CHSY3: variants seen among roughly 807,000 people sequenced by gnomAD.
The protein encoded by CHSY3 is chondroitin sulfate synthase 3.
CHSY3 carries 35 observed loss-of-function variants against 67.2 expected under a neutral mutation model. The ratio of observed to expected loss-of-function variants is 0.52; its 90% CI spans 0.40 to 0.69. CHSY3 has a LOEUF of 0.69. Among genes scored for constraint, CHSY3 ranks in the 30% least tolerant of loss-of-function variants. The pLI is 0.00. For missense variants in CHSY3, 1,069 were observed against 1,138.5 expected, an observed-to-expected ratio of 0.94 and a Z score of 0.88; for synonymous variants, 474 against 434.7, an observed-to-expected ratio of 1.09 and a Z score of -1.12.
At chr5:130,137,065 C>G (rs1460341218) in intron 2 of CHSY3, among the ~76,000 whole-genome samples, 1 of 152,112 alleles carries the variant, frequency 6.6e-6, no homozygotes, top group Non-Finnish European at 1.5e-5. Flanking sequence ...ACATATAAAT[C>G]TCTAGTCTTC....
At chr5:129,939,456 A>C (rs1761627852) in intron 2 of CHSY3, among the ~76,000 whole-genome samples, 1 of 152,188 alleles carries the variant, frequency 6.6e-6, no homozygotes, top group African/African-American at 2.4e-5. Context: ...ATTTTGTAAT[A>C]TTTGTATAGG....
At chr5:130,130,118 G>T (rs73244890) in intron 2 of CHSY3, among the ~76,000 whole-genome samples, 17,056 of 152,070 alleles carry the variant, frequency 0.11, 1,183 homozygotes, top group African/African-American at 0.18. Context: ...GGATGTCAGA[G>T]TTTATAGACA....
At chr5:130,144,652 A>C (rs1049248235) in intron 2 of CHSY3, among the ~76,000 whole-genome samples, 16 of 152,160 alleles carry the variant, frequency 1.1e-4, no homozygotes, top group African/African-American at 3.9e-4. Flanking sequence ...TGGAAAAAAA[A>C]TCTTAATTTT....
At chr5:129,983,247 T>G (rs1763072705) in intron 2 of CHSY3, among the ~76,000 whole-genome samples, 1 of 152,094 alleles carries the variant, frequency 6.6e-6, no homozygotes, top group East Asian at 1.9e-4. Flanking sequence ...GGAGATTAAA[T>G]CTCTACACTT....
At chr5:129,924,301 T>A (rs1761022148) in intron 2 of CHSY3, among the ~76,000 whole-genome samples, 1 of 152,162 alleles carries the variant, frequency 6.6e-6, no homozygotes, top group Non-Finnish European at 1.5e-5. Context: ...CCTCAATTTT[T>A]GTTTATCTCA....
chr5:129,997,168 A>C (rs907116614), intron 2 of CHSY3, among the ~76,000 whole-genome samples: 1 of 151,900 alleles, frequency 6.6e-6, no homozygotes, highest in Non-Finnish European at 1.5e-5. Flanking sequence ...CTTGAGGATG[A>C]CTTTTTTAAA....
intron 2 of CHSY3, among the ~76,000 whole-genome samples, chr5:129,969,556 C>G (rs1329481694): frequency 6.6e-6 from 1 of 151,798 alleles, no homozygotes; most frequent in Non-Finnish European, 1.5e-5. Context: ...TGACTGATCT[C>G]AAGCCTAAAA....
chr5:130,115,500 C>T (rs1052085353), intron 2 of CHSY3, among the ~76,000 whole-genome samples: 3 of 152,134 alleles, frequency 2.0e-5, no homozygotes, highest in Non-Finnish European at 2.9e-5. Flanking sequence ...ACTTATAATG[C>T]TTGCTGAAGA....
intron 2 of CHSY3, among the ~76,000 whole-genome samples, chr5:130,143,043 A>G (rs1484304246): frequency 6.6e-6 from 1 of 152,192 alleles, no homozygotes; most frequent in African/African-American, 2.4e-5. Context: ...TCTACTGTTA[A>G]TGCTATCTTT....
intron 2 of CHSY3, among the ~76,000 whole-genome samples, chr5:130,173,919 G>A: frequency 6.6e-6 from 1 of 151,662 alleles, no homozygotes; most frequent in South Asian, 2.1e-4. Context: ...CAATAATTGA[G>A]GGCAAACAAT....
Position 130,178,182 on chromosome 5 carries a change from T to C in CHSY3, c.1087-6047T>C, listed in dbSNP as rs868212447. Reference sequence around the variant, plus strand: ...TTAGTATTATATGTATATATATGTGTGTGTGTATATATATATATTTATATA... The same window carrying C: ...TTAGTATTATATGTATATATATGTGCGTGTGTATATATATATATTTATATA... On this transcript the variant is annotated intron_variant, in intron 2 of 2. Coordinates refer to ENST00000305031, the MANE Select transcript of CHSY3 (RefSeq NM_175856.5). Among the ~76,000 whole-genome samples the C allele has an allele frequency of 4.4e-4, 53 of 120,472 alleles. 1 individual carries two copies. The highest frequency in any genetic ancestry group is 1.0e-3 in the African/African-American group (29 of 29,076). The allele number at this position is 120,472 out of a possible 152,430, so 79.0% of individuals were successfully genotyped here.
intron 2 of CHSY3, among the ~76,000 whole-genome samples, chr5:130,104,615 C>A (rs1239950001): frequency 2.6e-5 from 4 of 151,672 alleles, no homozygotes; most frequent in Admixed American, 2.0e-4. Flanking sequence ...ATGCCATAAG[C>A]AAAGCCATGA....
At chr5:130,106,204 A>G (rs1767409792) in intron 2 of CHSY3, among the ~76,000 whole-genome samples, 1 of 151,754 alleles carries the variant, frequency 6.6e-6, no homozygotes, top group Non-Finnish European at 1.5e-5. Flanking sequence ...ATTTTATTTC[A>G]TTAGCATGAA....
At chr5:130,093,103 C>A (rs145374717) in intron 2 of CHSY3, among the ~76,000 whole-genome samples, 6 of 152,208 alleles carry the variant, frequency 3.9e-5, no homozygotes, top group African/African-American at 1.2e-4. Context: ...ATTATAAATA[C>A]CATCTCTATG....
chr5:129,989,362 A>G (rs549232481), intron 2 of CHSY3, among the ~76,000 whole-genome samples: 1 of 151,240 alleles, frequency 6.6e-6, no homozygotes, highest in Admixed American at 6.6e-5. Flanking sequence ...CCGGGGTTCA[A>G]GTGATTCTCC....
At chr5:130,182,414 A>G (rs1372115799) in intron 2 of CHSY3, among the ~76,000 whole-genome samples, 1 of 151,798 alleles carries the variant, frequency 6.6e-6, no homozygotes, top group Non-Finnish European at 1.5e-5. Context: ...CATAAAATCT[A>G]TTGAATTTTT....
At chr5:130,151,738 C>G (rs1348066359) in intron 2 of CHSY3, among the ~76,000 whole-genome samples, 1 of 152,102 alleles carries the variant, frequency 6.6e-6, no homozygotes, top group East Asian at 1.9e-4. Context: ...TGAGAACTCA[C>G]TCAGTATCAT....
intron 2 of CHSY3, among the ~76,000 whole-genome samples, chr5:130,041,082 T>A (rs1167174816): frequency 6.6e-6 from 1 of 152,084 alleles, no homozygotes; most frequent in East Asian, 1.9e-4. Context: ...CTGCTCTAAG[T>A]GTTGGCTGCT....
intron 2 of CHSY3, among the ~76,000 whole-genome samples, chr5:129,997,898 C>G (rs1763593238): frequency 6.6e-6 from 1 of 152,172 alleles, no homozygotes; most frequent in Non-Finnish European, 1.5e-5. Context: ...TTTTCTTAAT[C>G]CAGTCTATCG....
Sources: gnomAD v4.1 joint callset for allele counts (sites outside exome capture counted in the v4.1 genomes callset) on GRCh38, gnomAD v4.1.1 for gene constraint, MANE v1.5 for transcripts, NCBI Gene and HGNC (gene_info 2026-07-23, HGNC 2026-07-21) for gene names.